Variants in STAG1 observed in about 807,000 individuals in gnomAD.
The protein encoded by STAG1 is STAG1 cohesin complex component.
In STAG1, 26 loss-of-function variants were observed where a neutral mutation model predicts 170.9. The observed-to-expected ratio is 0.15, with a 90% CI of 0.11 to 0.21. The LOEUF (loss-of-function observed/expected upper bound fraction) is 0.21. STAG1 is among the 10% of genes least tolerant of loss of function. The pLI, the probability that STAG1 is intolerant of heterozygous loss-of-function variation, is 1.00. For synonymous variants in STAG1, 514 were observed against 497.7 expected, an observed-to-expected ratio of 1.03 and a Z score of -0.44; for missense variants, 964 against 1,509.5, an observed-to-expected ratio of 0.64 and a Z score of 5.99.
In STAG1 at chr3:136,502,629, T is replaced by G; in HGVS notation, c.827A>C (p.Glu276Ala). The G allele has an allele frequency of 6.2e-7, 1 of 1,612,988 alleles. No individual in the cohort carries two copies. The highest frequency in any genetic ancestry group is 1.7e-5 in the Admixed American group (1 of 59,828). Residue 276 changes from glutamate (E) to alanine (A), a missense_variant and splice_region_variant, in exon 8 of 34, where the codon GAG (glutamate) becomes GCG (alanine). Physicochemically the swap from Glu to Ala is moderately radical, Grantham distance 107 (BLOSUM62 -1). Transcript: ENST00000383202. ...ATCATCAGTTCCCATGAAACTTACCTCTTTGCGTTTCTGAAGTAGTAACTC... is the reference window on the plus strand; with the variant it reads ...ATCATCAGTTCCCATGAAACTTACCGCTTTGCGTTTCTGAAGTAGTAACTC... ...RLELLLQKRK[E>A]LQENQDEIEN...
At chr3:136,364,530 G>T (rs1937000913) in intron 25 of STAG1, among the ~76,000 whole-genome samples, 1 of 151,766 alleles carries the variant, frequency 6.6e-6, no homozygotes, top group South Asian at 2.1e-4. Context: ...GGGGAAGGGG[G>T]GATTAGGGTA....
intron 4 of STAG1, among the ~76,000 whole-genome samples, chr3:136,575,735 C>T (rs1937432648): frequency 6.7e-6 from 1 of 149,814 alleles, no homozygotes; most frequent in Non-Finnish European, 1.5e-5. Flanking sequence ...CCAAGGTCAA[C>T]CATGAATATC....
chr3:136,704,856 G>T (rs866297744), intron 1 of STAG1, among the ~76,000 whole-genome samples: 44 of 132,880 alleles, frequency 3.3e-4, no homozygotes, highest in Middle Eastern at 7.9e-3. Context: ...AGATAAAGAA[G>T]AATGCATAGT....
In STAG1 at chr3:136,486,780, C is replaced by T. The variant is rs184984119; in HGVS notation, c.903-9368G>A. ...TTAATTCTTGGAATTACTACTAATA[C>T]TGAGATTATGAATGGCTGTTTGCAA... is the stretch of plus-strand genomic sequence containing the variant. On this transcript the variant is annotated intron_variant, in intron 9 of 33. Coordinates refer to ENST00000383202, the MANE Select transcript of STAG1 (RefSeq NM_005862.3). Among the ~76,000 whole-genome samples the T allele has an allele frequency of 3.2e-4, 49 of 152,138 alleles. No individual in the cohort carries two copies. In the East Asian group the frequency reaches 9.3e-3, roughly 29 times the overall value.
chr3:136,375,411 C>CG (rs2108303815), intron 23 of STAG1, among the ~76,000 whole-genome samples: 1 of 152,236 alleles, frequency 6.6e-6, no homozygotes, highest in Admixed American at 6.5e-5. Flanking sequence ...TAACACTGCC[C>CG]CCTCCAAAGT....
At chr3:136,427,904 A>G (rs1232799616) in intron 16 of STAG1, among the ~76,000 whole-genome samples, 5 of 152,214 alleles carry the variant, frequency 3.3e-5, no homozygotes. Flanking sequence ...CCAGCAAAGG[A>G]TAGTTTGATA....
At chr3:136,737,091 C>CCAGG (rs1934383776) in intron 1 of STAG1, 1 of 953,532 alleles carries the variant, frequency 1.0e-6, no homozygotes. Flanking sequence ...GTAAGAGGAA[C>CCAGG]CAGGACAGGT....
At chr3:136,487,545 A>C (rs2107839419) in intron 9 of STAG1, among the ~76,000 whole-genome samples, 1 of 152,316 alleles carries the variant, frequency 6.6e-6, no homozygotes, top group South Asian at 2.1e-4. Flanking sequence ...GTGGGGCCAG[A>C]GAGCCTATTC....
At chr3:136,676,188 G>C (rs541142431) in intron 1 of STAG1, among the ~76,000 whole-genome samples, 5 of 152,180 alleles carry the variant, frequency 3.3e-5, no homozygotes, top group Non-Finnish European at 5.9e-5. Context: ...TTGCAGAACT[G>C]TAAGTTGCTC....
At chr3:136,488,247 C>T (rs1162368842) in intron 9 of STAG1, among the ~76,000 whole-genome samples, 1 of 152,154 alleles carries the variant, frequency 6.6e-6, no homozygotes, top group Non-Finnish European at 1.5e-5. Flanking sequence ...CTCAGCCTCC[C>T]GAGTAGCTGG....
At chr3:136,560,256 C>G (rs183989888) in intron 5 of STAG1, among the ~76,000 whole-genome samples, 2 of 152,166 alleles carry the variant, frequency 1.3e-5, no homozygotes, top group Non-Finnish European at 2.9e-5. Context: ...TAACCACCAA[C>G]TTTCAAGTTT....
rs57329112 is a variant in STAG1, at chr3:136,363,555, G to GAA, written c.2686-90_2686-89dup. 1,275 of 291,366 alleles carry GAA rather than the reference G, an allele frequency of 4.4e-3. 10 individuals carry two copies. Among genetic ancestry groups the GAA allele is most frequent in the East Asian group, 0.031 (625 of 20,456 alleles). The allele number at this position is 291,366 out of a possible 1,614,324, so 18.0% of individuals were successfully genotyped here. A position where few individuals can be genotyped will look rare whatever the true frequency, so the allele number is the denominator to read the frequency against. On this transcript the variant is annotated intron_variant, in intron 25 of 33. Transcript: ENST00000383202. The stretch of plus-strand genomic sequence containing the variant: ...GGTTGGTGTCACCTCCTTTGAAAAT[G>GAA]AAAAAAAAAAAAAAAGAACAGGTTG...
chr3:136,461,904 C>G (rs2089284909), intron 13 of STAG1, among the ~76,000 whole-genome samples: 1 of 152,056 alleles, frequency 6.6e-6, no homozygotes, highest in Admixed American at 6.6e-5. Flanking sequence ...ACGGACATTT[C>G]TCAAAGGAAG....
intron 1 of STAG1, among the ~76,000 whole-genome samples, chr3:136,712,007 T>C (rs770440228): frequency 6.6e-6 from 1 of 152,144 alleles, no homozygotes; most frequent in East Asian, 1.9e-4. Flanking sequence ...ATGTACCTAT[T>C]CAGATAACTT....
At chr3:136,751,894 G>T (rs963108944) in intron 1 of STAG1, among the ~76,000 whole-genome samples, 1 of 150,756 alleles carries the variant, frequency 6.6e-6, no homozygotes, top group African/African-American at 2.4e-5. Flanking sequence ...CCGGGCGGGC[G>T]GGGGCAAAAT....
intron 6 of STAG1, among the ~76,000 whole-genome samples, chr3:136,525,397 T>C (rs982168502): frequency 6.6e-6 from 1 of 152,200 alleles, no homozygotes; most frequent in Non-Finnish European, 1.5e-5. Context: ...GTGTTTATAG[T>C]TTTCTCTGAC....
intron 1 of STAG1, among the ~76,000 whole-genome samples, chr3:136,675,899 G>C (rs1484895993): frequency 6.6e-6 from 1 of 152,190 alleles, no homozygotes; most frequent in Non-Finnish European, 1.5e-5. Context: ...ATCTAATGAT[G>C]CATTTTCTCA....
chr3:136,521,466 G>C, intron 6 of STAG1, 49 bp from the exon 7 acceptor site: 1 of 1,546,054 alleles, frequency 6.5e-7, no homozygotes, highest in South Asian at 1.2e-5. Context: ...TACAGAGTTT[G>C]ATGAAAGCTT....
intron 21 of STAG1, among the ~76,000 whole-genome samples, chr3:136,416,057 G>C (rs2087762766): frequency 6.6e-6 from 1 of 151,900 alleles, no homozygotes; most frequent in Non-Finnish European, 1.5e-5. Context: ...GCCCAGGCTG[G>C]AGTGCAGTGG....
Sources: allele counts gnomAD v4.1 joint callset (sites outside exome capture counted in the v4.1 genomes callset), GRCh38; gene constraint gnomAD v4.1.1; transcripts MANE v1.5; gene names NCBI Gene and HGNC (gene_info 2026-07-23, HGNC 2026-07-21).